CCDC138: variants seen among roughly 807,000 people sequenced by gnomAD.
The protein encoded by CCDC138 is coiled-coil domain-containing protein 138.
A neutral mutation model predicts 82.3 loss-of-function variants in CCDC138; 66 were observed. The ratio of observed to expected loss-of-function variants is 0.80; its 90% CI spans 0.66 to 0.98. The LOEUF (loss-of-function observed/expected upper bound fraction) is 0.98. Among genes scored for constraint, CCDC138 ranks in the 50% least tolerant of loss-of-function variants. The pLI, the probability that CCDC138 is intolerant of heterozygous loss-of-function variation, is 0.00. For missense variants in CCDC138, 816 were observed against 758.9 expected, an observed-to-expected ratio of 1.08 and a Z score of -0.88; for synonymous variants, 297 against 265.4, an observed-to-expected ratio of 1.12 and a Z score of -1.16.
intron 2 of CCDC138, 137 bp downstream of exon 2, chr2:108,788,226 C>T (rs1679251829): frequency 1.3e-6 from 1 of 778,208 alleles, no homozygotes. Flanking sequence ...CGAGACCACT[C>T]AGGCCAACAT....
chr2:108,883,954 G>GT (rs11424652), intron 2 of CCDC138: 132,888 of 152,270 alleles, frequency 0.87, 58,374 homozygotes, highest in East Asian at 1. Flanking sequence ...GTCTCTCACA[G>GT]GTTCCTAGGC....
intron 12 of CCDC138, 40 bp downstream of exon 12, chr2:108,846,970 A>T (rs1350341451): frequency 2.8e-6 from 3 of 1,087,294 alleles, no homozygotes; most frequent in Non-Finnish European, 4.1e-6. Flanking sequence ...TTTGAGAAAC[A>T]ATAGAGAATA....
At chr2:108,872,176 G>A (rs1695358776) in intron 13 of CCDC138, among the ~76,000 whole-genome samples, 2 of 151,960 alleles carry the variant, frequency 1.3e-5, no homozygotes, top group Non-Finnish European at 2.9e-5. Context: ...ATTCATTGTT[G>A]CCTCGGAGAA....
rs377715874 is a variant in CCDC138, at chr2:108,867,098, C to G, written c.1694-6353C>G. 4.3e-4 allele frequency among the ~76,000 whole-genome samples: 65 copies of G among 151,952 alleles called. No homozygotes were observed. In the East Asian group the frequency reaches 0.01, roughly 24 times the overall value. Reference sequence around the variant, plus strand: ...TGAGTCACTGGGTTGAGAACTGTTCCACTAGCTTAGCTATGTTTTTATATA... The same window carrying G: ...TGAGTCACTGGGTTGAGAACTGTTCGACTAGCTTAGCTATGTTTTTATATA... On this transcript the variant is annotated intron_variant, in intron 13 of 14. Coordinates refer to ENST00000295124, the MANE Select transcript of CCDC138 (RefSeq NM_144978.3).
At chr2:108,848,197 CATTAT>C (rs1422724582) in intron 12 of CCDC138, among the ~76,000 whole-genome samples, 1 of 152,136 alleles carries the variant, frequency 6.6e-6, no homozygotes. Flanking sequence ...TGTCAACATA[CATTAT>C]ATCATTTAAT....
At chr2:108,805,693 C>T (rs1237317031) in intron 7 of CCDC138, among the ~76,000 whole-genome samples, 1 of 151,830 alleles carries the variant, frequency 6.6e-6, no homozygotes, top group Admixed American at 6.6e-5. Context: ...TGCCACTGCA[C>T]TCCAGCCTGG....
chr2:108,830,642 A>C (rs1306620842), intron 10 of CCDC138, among the ~76,000 whole-genome samples: 2 of 151,422 alleles, frequency 1.3e-5, no homozygotes, highest in Non-Finnish European at 2.9e-5. Context: ...CTCTGTCTCT[A>C]CTAAAAAATA....
intron 13 of CCDC138, among the ~76,000 whole-genome samples, chr2:108,869,931 A>C (rs1002705902): frequency 4.6e-5 from 7 of 152,202 alleles, no homozygotes; most frequent in Non-Finnish European, 1.0e-4. Flanking sequence ...CAAAGGAACA[A>C]AATAAATCTT....
At chr2:108,874,850 T>G (rs1245072848) in intron 14 of CCDC138, among the ~76,000 whole-genome samples, 1 of 152,178 alleles carries the variant, frequency 6.6e-6, no homozygotes, top group East Asian at 1.9e-4. Context: ...CCTATTGCAG[T>G]TACCTTATGG....
downstream of CCDC138, among the ~76,000 whole-genome samples, chr2:108,880,242 A>C: frequency 6.6e-6 from 1 of 151,682 alleles, no homozygotes; most frequent in Non-Finnish European, 1.5e-5. Flanking sequence ...AAAACGAGAG[A>C]AGGCACAGAT....
At chr2:108,821,867 C>T (rs948147565) in intron 10 of CCDC138, among the ~76,000 whole-genome samples, 19 of 151,174 alleles carry the variant, frequency 1.3e-4, no homozygotes, top group African/African-American at 2.4e-4. Flanking sequence ...ATTGCTTGAA[C>T]CCAGGAGGTG....
At chr2:108,800,339 A>G (rs890296355) in intron 6 of CCDC138, among the ~76,000 whole-genome samples, 4 of 152,098 alleles carry the variant, frequency 2.6e-5, no homozygotes, top group African/African-American at 9.7e-5. Context: ...ATCTCGGCTC[A>G]CTACAACCTC....
At chr2:108,870,878 C>A (rs1695129414) in intron 13 of CCDC138, among the ~76,000 whole-genome samples, 1 of 152,158 alleles carries the variant, frequency 6.6e-6, no homozygotes, top group South Asian at 2.1e-4. Flanking sequence ...ATGGAAAAAA[C>A]TCTGGAGATG....
chr2:108,820,257 C>A (rs1473895707), intron 10 of CCDC138, among the ~76,000 whole-genome samples: 1 of 151,638 alleles, frequency 6.6e-6, no homozygotes, highest in Non-Finnish European at 1.5e-5. Flanking sequence ...AAAGTTCTAA[C>A]AAAATAATAA....
At chr2:108,791,336 A>G (rs1356530317) in intron 3 of CCDC138, among the ~76,000 whole-genome samples, 1 of 152,128 alleles carries the variant, frequency 6.6e-6, no homozygotes, top group East Asian at 1.9e-4. Context: ...GGTTTAGTTT[A>G]CTTATGTATA....
chr2:108,845,357 A>G (rs1271293587), intron 11 of CCDC138, among the ~76,000 whole-genome samples: 1 of 152,164 alleles, frequency 6.6e-6, no homozygotes, highest in African/African-American at 2.4e-5. Flanking sequence ...TAGATGCAGA[A>G]ATTTAAAAGC....
chr2:108,786,895 G>A lies in CCDC138; in HGVS notation c.73G>A (p.Gly25Arg). The A allele has an allele frequency of 1.9e-6, 3 of 1,554,166 alleles. No homozygotes were observed. Among genetic ancestry groups the A allele is most frequent in the African/African-American group, 2.8e-5 (2 of 70,952 alleles). ...GAGTCTCAAAAGCCGCTACGGACTCGGGGGCAGCTGCCCCGACGAGGTGAA... is the reference window on the plus strand; with the variant it reads ...GAGTCTCAAAAGCCGCTACGGACTCAGGGGCAGCTGCCCCGACGAGGTGAA... ...VESLKSRYGLGGSCPDEYDFS... is the reference protein window; with the variant it reads ...VESLKSRYGLRGSCPDEYDFS... The change falls in exon 1 of 15, where the codon GGG (glycine) becomes AGG (arginine). Residue 25 changes from glycine to arginine, a missense_variant. Gly to Arg is a moderately radical substitution (Grantham distance 125, BLOSUM62 -2). Transcript: ENST00000295124.
intron 12 of CCDC138, among the ~76,000 whole-genome samples, chr2:108,850,269 T>G (rs1051600394): frequency 6.6e-6 from 1 of 152,052 alleles, no homozygotes; most frequent in Non-Finnish European, 1.5e-5. Flanking sequence ...TTTGATAAAT[T>G]TAGTAGAAAA....
chr2:108,815,988 C>T lies in CCDC138; in HGVS notation c.1089C>T (p.Asp363=), dbSNP rs1294814738. The T allele has an allele frequency of 1.2e-6, 2 of 1,613,216 alleles. No homozygotes were observed. Among genetic ancestry groups the T allele is most frequent in the Admixed American group, 1.7e-5 (1 of 59,950 alleles). The stretch of plus-strand genomic sequence containing the variant: ...ATGAACTTTTAACTGTCTTCATGGA[C>T]TGGATTTCGGATCATCATCTTAGCA... ...QVYELLTVFM[D]WISDHHLSKV... The change falls in exon 10 of 15, where the codon GAC becomes GAT. Residue 363 remains aspartate (D), a synonymous_variant. Transcript: ENST00000295124.
Sources: allele counts gnomAD v4.1 joint callset (sites outside exome capture counted in the v4.1 genomes callset), GRCh38; gene constraint gnomAD v4.1.1; transcripts MANE v1.5; gene names NCBI Gene and HGNC (gene_info 2026-07-23, HGNC 2026-07-21).